Variants in USP42 observed in about 807,000 individuals in gnomAD.
The protein encoded by USP42 is ubiquitin carboxyl-terminal hydrolase 42.
A neutral mutation model predicts 113.0 loss-of-function variants in USP42; 23 were observed. The ratio of observed to expected loss-of-function variants is 0.20; its 90% CI spans 0.15 to 0.29. The LOEUF is 0.29. Among genes scored for constraint, USP42 ranks in the 10% least tolerant of loss-of-function variants. The probability of loss-of-function intolerance (pLI) is 1.00; values close to 1 mark genes in which losing one functional copy is unlikely to be tolerated. For missense variants in USP42, 2,174 were observed against 1,779.8 expected (o/e 1.22, Z -3.99); for synonymous variants, 933 against 699.0 (o/e 1.33, Z -5.28).
the USP42 span, among the ~76,000 whole-genome samples, chr7:6,087,327 G>A: frequency 3.3e-5 from 5 of 149,328 alleles, no homozygotes; most frequent in Admixed American, 2.7e-4. Context: ...CACCGCACCT[G>A]GCCTAAGCGC....
chr7:6,098,745 C>A, the USP42 span, among the ~76,000 whole-genome samples: 1 of 149,958 alleles, frequency 6.7e-6, no homozygotes, highest in African/African-American at 2.5e-5. Flanking sequence ...GGGGTTTCAC[C>A]ATGTTGGCCA....
intron 12 of USP42, 116 bp downstream of exon 12, chr7:6,148,008 A>G: frequency 1.7e-6 from 2 of 1,152,908 alleles, no homozygotes; most frequent in Non-Finnish European, 1.2e-6. Flanking sequence ...ATTTCTTCTC[A>G]CAGTTTAATC....
At chr7:6,125,852 G>A (rs1278002386) in intron 3 of USP42, among the ~76,000 whole-genome samples, 1 of 140,558 alleles carries the variant, frequency 7.1e-6, no homozygotes, top group South Asian at 2.3e-4. Flanking sequence ...TCTTTATTTT[G>A]CTTTTTTTAA....
chr7:6,110,235 A>C (rs1263836917), intron 1 of USP42, among the ~76,000 whole-genome samples: 1 of 152,172 alleles, frequency 6.6e-6, no homozygotes, highest in African/African-American at 2.4e-5. Flanking sequence ...GGGTGGCATA[A>C]CCAGAAGGAA....
At chr7:6,150,619 C>G in intron 14 of USP42, 113 bp downstream of exon 14, 1 of 930,982 alleles carries the variant, frequency 1.1e-6, no homozygotes, top group African/African-American at 1.7e-5. Flanking sequence ...CATTTTGAAT[C>G]CTAGAATGAT....
chr7:6,104,385 C>A (rs577204859), upstream of USP42, among the ~76,000 whole-genome samples: 1 of 152,216 alleles, frequency 6.6e-6, no homozygotes, highest in Non-Finnish European at 1.5e-5. Flanking sequence ...CCGGCCCAGA[C>A]CTTGTTTCTA....
At chr7:6,144,699 G>T (rs1235188668) in intron 9 of USP42, among the ~76,000 whole-genome samples, 4 of 152,094 alleles carry the variant, frequency 2.6e-5, no homozygotes, top group African/African-American at 9.7e-5. Flanking sequence ...GCAAAGCCCT[G>T]TTTCTACTAA....
chr7:6,112,533 A>C (rs529975932), intron 2 of USP42, among the ~76,000 whole-genome samples: 10 of 152,324 alleles, frequency 6.6e-5, no homozygotes, highest in Middle Eastern at 6.8e-3. Flanking sequence ...TACATTCGTT[A>C]AAACTCATCC....
chr7:6,130,456 G>C (rs931109437), intron 3 of USP42, among the ~76,000 whole-genome samples: 1 of 152,154 alleles, frequency 6.6e-6, no homozygotes, highest in Non-Finnish European at 1.5e-5. Context: ...AGGCCATAGT[G>C]GTGGCAGAGT....
chr7:6,093,527 C>T, the USP42 span, among the ~76,000 whole-genome samples: 3 of 150,956 alleles, frequency 2.0e-5, no homozygotes, highest in African/African-American at 7.4e-5. Flanking sequence ...AAGCGATTCT[C>T]CCGCCTCAGC....
chr7:6,159,390 A>C lies in USP42; in HGVS notation c.3944-60A>C, dbSNP rs545299704. On this transcript the variant is annotated intron_variant, in intron 16 of 17. Coordinates refer to ENST00000306177, the MANE Select transcript of USP42 (RefSeq NM_032172.3). This position sits in a 1 kb window ranked among gnomAD's most constrained non-coding sequence, Gnocchi z 4.1. ...TAGCCACTTAACGCACACACACAGCAGAGGCCCTGGCGATTTTGCAACCAT... is the reference window on the plus strand; with the variant it reads ...TAGCCACTTAACGCACACACACAGCCGAGGCCCTGGCGATTTTGCAACCAT... 6.2e-7 allele frequency: 1 copy of C among 1,612,370 alleles called. No individual in the cohort carries two copies. Among genetic ancestry groups the C allele is most frequent in the East Asian group, 2.2e-5 (1 of 44,872 alleles).
chr7:6,084,989 G>A, the USP42 span, among the ~76,000 whole-genome samples: 5 of 151,048 alleles, frequency 3.3e-5, no homozygotes, highest in African/African-American at 9.9e-5. Context: ...AGAGTGCTGC[G>A]ATTACAGGTG....
chr7:6,120,035 G>C (rs894142484), intron 3 of USP42, among the ~76,000 whole-genome samples: 4 of 152,172 alleles, frequency 2.6e-5, no homozygotes, highest in Non-Finnish European at 5.9e-5. Context: ...GCGCTGTCTC[G>C]GCTCACTGCA....
chr7:6,081,376 T>C, the USP42 span: 2 of 152,072 alleles, frequency 1.3e-5, no homozygotes, highest in East Asian at 1.9e-4. Context: ...GGGAGGTAGA[T>C]GGCGGGCGGC....
At chr7:6,152,418 C>T (rs979514666) in intron 14 of USP42, among the ~76,000 whole-genome samples, 6 of 152,346 alleles carry the variant, frequency 3.9e-5, no homozygotes, top group Admixed American at 1.3e-4. Flanking sequence ...AGTTTTTACC[C>T]GCACGGTTGT....
Position 6,142,994 on chromosome 7 carries a change from A to G in USP42, c.858A>G (p.Glu286=). Residue 286 remains glutamate, a synonymous_variant, in exon 8 of 18, where the codon GAA becomes GAG. Coordinates refer to ENST00000306177, the MANE Select transcript of USP42 (RefSeq NM_032172.3). ...TGAAGCCGGAACAGCTTGATGGAGA[A>G]AACTCGTACAAGTGCAGCAAGTACG... ...QFVKPEQLDG[E]NSYKCSKCKK... is the part of the protein sequence containing the mutation. 6.2e-7 allele frequency: 1 copy of G among 1,613,930 alleles called. No individual in the cohort carries two copies. Among genetic ancestry groups the G allele is most frequent in the Non-Finnish European group, 8.5e-7 (1 of 1,179,856 alleles).
intron 17 of USP42, among the ~76,000 whole-genome samples, chr7:6,160,141 T>C (rs1782690156): frequency 6.6e-6 from 1 of 152,218 alleles, no homozygotes; most frequent in Admixed American, 6.5e-5. Flanking sequence ...AAGGAAACTT[T>C]GTCCAAATGT....
intron 11 of USP42, 41 bp downstream of exon 11, chr7:6,146,289 C>G: frequency 8.5e-7 from 1 of 1,173,164 alleles, no homozygotes; most frequent in East Asian, 2.5e-5. Context: ...TCTGGTATGT[C>G]ATTTCTTCTT....
intron 11 of USP42, 112 bp from the exon 12 acceptor site, chr7:6,147,627 A>AT (rs970294044): frequency 8.2e-5 from 105 of 1,277,624 alleles, no homozygotes; most frequent in Non-Finnish European, 1.1e-4. Context: ...TAAACATGCT[A>AT]TTTTTTTCAT....
Sources: gnomAD v4.1 joint callset for allele counts (sites outside exome capture counted in the v4.1 genomes callset) on GRCh38, gnomAD v4.1.1 for gene constraint, Gnocchi (gnomAD v3.1) non-coding constraint, MANE v1.5 for transcripts, NCBI Gene and HGNC (gene_info 2026-07-23, HGNC 2026-07-21) for gene names.